The following CMPK2 variants were observed in gnomAD, a reference collection of about 807,000 sequenced individuals.
CMPK2 encodes the protein cytidine/uridine monophosphate kinase 2.
CMPK2 carries 32 observed loss-of-function variants against 33.4 expected under a neutral mutation model. That is an observed-to-expected ratio of 0.96 (90% CI 0.72 to 1.29). The LOEUF is 1.29. CMPK2 is among the 50% of genes most tolerant of loss of function. CMPK2 has a pLI of 0.00. For synonymous variants in CMPK2, 299 were observed against 275.3 expected (o/e 1.09, Z -0.85); for missense variants, 672 against 616.0 (o/e 1.09, Z -0.96).
At chr2:6,862,303 C>T (rs1179066845) in intron 2 of CMPK2, among the ~76,000 whole-genome samples, 3 of 152,206 alleles carry the variant, frequency 2.0e-5, no homozygotes, top group Non-Finnish European at 4.4e-5. Context: ...ATTATTTAAT[C>T]ATCTGACAGA....
At chr2:6,845,287 T>A (rs140769024), downstream of CMPK2, among the ~76,000 whole-genome samples, 233 of 152,216 alleles carry the variant, frequency 1.5e-3, 2 homozygotes, top group African/African-American at 5.5e-3. Context: ...CATTTTATCA[T>A]CAGAACCTCA....
chr2:6,852,505 A>T (rs538311472), intron 3 of CMPK2, among the ~76,000 whole-genome samples: 1 of 151,786 alleles, frequency 6.6e-6, no homozygotes, highest in Non-Finnish European at 1.5e-5. Context: ...CTCCCTTCAG[A>T]CTCCTAGGAA....
rs760569289 is a variant in CMPK2, at chr2:6,865,638, C to T, written c.59G>A (p.Arg20His). The T allele has an allele frequency of 7.4e-7, 1 of 1,354,608 alleles. No homozygotes were observed. Among genetic ancestry groups the T allele is most frequent in the Non-Finnish European group, 9.5e-7 (1 of 1,057,354 alleles). The allele number at this position is 1,354,608 out of a possible 1,614,324, so 83.9% of individuals were successfully genotyped here. Reference sequence around the variant, plus strand: ...AGCCATGGCCCCAGCGCAGACCCCGCGCCGCCCGAGCAGCGGCCCCGACAG... The same window carrying T: ...AGCCATGGCCCCAGCGCAGACCCCGTGCCGCCCGAGCAGCGGCCCCGACAG... Reference protein sequence around the residue: ...GPLSGPLLGRRGVCAGAMAPP... With the variant: ...GPLSGPLLGRHGVCAGAMAPP... The change falls in exon 1 of 5, where the codon CGC becomes CAC. Residue 20 changes from arginine (R) to histidine (H), a missense_variant. Arg to His is a conservative substitution (Grantham distance 29). Coordinates refer to ENST00000256722, the MANE Select transcript of CMPK2 (RefSeq NM_207315.4).
At position 6,865,785 on chromosome 2, in the gene CMPK2, A is replaced by AG. The variant is rs1461531519; in HGVS notation, c.-90dup. ...CCGGCGGGAAACGAAACCCGGAGGG[A>AG]GCCAGGCGCCAGCGGGAAACGAAAG... On this transcript the variant is annotated 5_prime_UTR_variant, in exon 1 of 5. Coordinates refer to ENST00000256722, the MANE Select transcript of CMPK2 (RefSeq NM_207315.4). The AG allele has an allele frequency of 5.6e-5, 71 of 1,259,294 alleles. No individual in the cohort carries two copies. In the Middle Eastern group the frequency reaches 9.5e-4, roughly 17 times the overall value. The allele number at this position is 1,259,294 out of a possible 1,614,324, so 78.0% of individuals were successfully genotyped here.
Position 6,849,722 on chromosome 2 carries a change from G to C in CMPK2, c.*128C>G. On this transcript the variant is annotated 3_prime_UTR_variant, in exon 5 of 5. Coordinates refer to ENST00000256722, the MANE Select transcript of CMPK2 (RefSeq NM_207315.4). ...TGGCTGAAGTAAAATTAAGATGCCTGGTCTCCAGTTTTCTGCCACACAACA... is the reference window on the plus strand; with the variant it reads ...TGGCTGAAGTAAAATTAAGATGCCTCGTCTCCAGTTTTCTGCCACACAACA... 6.5e-7 allele frequency: 1 copy of C among 1,528,912 alleles called. No homozygotes were observed. Among genetic ancestry groups the C allele is most frequent in the Non-Finnish European group, 8.7e-7 (1 of 1,149,216 alleles). The allele number at this position is 1,528,912 out of a possible 1,614,324, so 94.7% of individuals were successfully genotyped here. A position where few individuals can be genotyped will look rare whatever the true frequency, so the allele number is the denominator to read the frequency against.
At chr2:6,841,663 T>G (rs1327084297) in intron 3 of CMPK2, among the ~76,000 whole-genome samples, 1 of 151,518 alleles carries the variant, frequency 6.6e-6, no homozygotes, top group Non-Finnish European at 1.5e-5. Flanking sequence ...GAGGCTTTAT[T>G]TCCCTTATGG....
intron 3 of CMPK2, among the ~76,000 whole-genome samples, chr2:6,859,237 CAG>C (rs1457865420): frequency 6.6e-6 from 1 of 152,184 alleles, no homozygotes; most frequent in Non-Finnish European, 1.5e-5. Flanking sequence ...AAAATGGAAA[CAG>C]AGCATAAAAG....
intron 4 of CMPK2, 141 bp downstream of exon 4, chr2:6,851,309 G>A: frequency 6.7e-7 from 1 of 1,487,674 alleles, no homozygotes; most frequent in South Asian, 1.4e-5. Context: ...GGAAGGGGCT[G>A]AAGTAACTTA....
intron 4 of CMPK2, 138 bp from the exon 5 acceptor site, chr2:6,850,111 A>G (rs761959451): frequency 1.6e-6 from 1 of 620,236 alleles, no homozygotes; most frequent in Non-Finnish European, 2.8e-6. Context: ...AGCTTTGCCC[A>G]CAGAAGACGT....
chr2:6,862,952 T>C (rs573137269), intron 2 of CMPK2, among the ~76,000 whole-genome samples: 1 of 152,322 alleles, frequency 6.6e-6, no homozygotes, highest in South Asian at 2.1e-4. Context: ...GCACACATTA[T>C]ATTTTGACCT....
rs1662462967 is a variant in CMPK2, at chr2:6,849,884, A to G, written c.1316T>C (p.Leu439Ser). 2 of 1,614,180 alleles carry G rather than the reference A, an allele frequency of 1.2e-6. No individual in the cohort carries two copies. Among genetic ancestry groups the G allele is most frequent in the Non-Finnish European group, 1.7e-6 (2 of 1,180,018 alleles). ...ACTAAAACTATTCTGGATTAGGCTT[A>G]ATACCGTCTGCAGGACCTTTTCTCT... Reference protein sequence around the residue: ...PSREKVLQTVLSLIQNSFSEP With the variant: ...PSREKVLQTVSSLIQNSFSEP The change falls in exon 5 of 5, where the codon TTA (leucine) becomes TCA (serine). Residue 439 changes from leucine (L) to serine (S), a missense_variant. Transcript: ENST00000256722.
chr2:6,856,923 G>C (rs1233772548), intron 3 of CMPK2, among the ~76,000 whole-genome samples: 1 of 152,126 alleles, frequency 6.6e-6, no homozygotes, highest in African/African-American at 2.4e-5. Flanking sequence ...ATGGGCTTTA[G>C]GTTTTTCAAA....
intron 3 of CMPK2, among the ~76,000 whole-genome samples, chr2:6,841,138 G>A (rs1662222618): frequency 6.6e-6 from 1 of 151,994 alleles, no homozygotes; most frequent in South Asian, 2.1e-4. Context: ...TAAATGAGGG[G>A]CCATTGTCAC....
At position 6,865,325 on chromosome 2, in the gene CMPK2, G is replaced by A. The variant is rs1434116582; in HGVS notation, c.372C>T (p.Ala124=). Residue 124 remains alanine, a synonymous_variant, in exon 1 of 5, where the codon GCC becomes GCT. Coordinates refer to ENST00000256722, the MANE Select transcript of CMPK2 (RefSeq NM_207315.4). ...GCAGGAAGCCTTGCTGTGCGCCGCC[G>A]GCCTGGCCGCCCGGGCAGTAGCAGA... is the stretch of plus-strand genomic sequence containing the variant. The part of the protein sequence containing the change: ...RLLCYCPGGQ[A]GGAQQGFLLR... The A allele has an allele frequency of 2.7e-6, 4 of 1,493,954 alleles. No individual in the cohort carries two copies. The highest frequency in any genetic ancestry group is 1.5e-5 in the African/African-American group (1 of 68,726). 92.5% of individuals were successfully genotyped at this position (1,493,954 alleles called of 1,614,324 possible). A position where few individuals can be genotyped will look rare whatever the true frequency, so the allele number is the denominator to read the frequency against.
chr2:6,865,092 G>A lies in CMPK2; in HGVS notation c.605C>T (p.Pro202Leu). 2.7e-6 allele frequency: 4 copies of A among 1,493,326 alleles called. No individual in the cohort carries two copies. The highest frequency in any genetic ancestry group is 3.6e-6 in the Non-Finnish European group (4 of 1,121,040). 92.5% of individuals were successfully genotyped at this position (1,493,326 alleles called of 1,614,324 possible). The change falls in exon 1 of 5, where the codon CCG becomes CTG. Residue 202 changes from proline (P) to leucine (L), a missense_variant. Coordinates refer to ENST00000256722, the MANE Select transcript of CMPK2 (RefSeq NM_207315.4). ...VVPVPEPPLH[P>L]VVPDLPSSVV... ...GGAACTGGGCAAGTCTGGCACCACC[G>A]GGTGCAGCGGGGGCTCCGGGACGGG...
At chr2:6,863,123 C>T (rs949093693) in intron 2 of CMPK2, among the ~76,000 whole-genome samples, 17 of 152,172 alleles carry the variant, frequency 1.1e-4, no homozygotes, top group Non-Finnish European at 2.5e-4. Flanking sequence ...GAGGATGTTA[C>T]CTGCTTTCAT....
intron 3 of CMPK2, 137 bp from the exon 4 acceptor site, chr2:6,851,820 TA>T (rs1283342258): frequency 1.5e-6 from 1 of 648,328 alleles, no homozygotes; most frequent in Non-Finnish European, 2.6e-6. Flanking sequence ...TAAATAAAAT[TA>T]AATTTTATAA....
Position 6,849,836 on chromosome 2 carries a change from C to A in CMPK2, c.*14G>T. On this transcript the variant is annotated 3_prime_UTR_variant, in exon 5 of 5. Coordinates refer to ENST00000256722, the MANE Select transcript of CMPK2 (RefSeq NM_207315.4). ...ACATCTAATCTAGTTAGACGTGGCA[C>A]CTGGCCAGAGTAACTACGGTTCACT... The A allele has an allele frequency of 6.2e-7, 1 of 1,613,526 alleles. No individual in the cohort carries two copies.
In CMPK2 at chr2:6,849,538, G is replaced by A; in HGVS notation, c.*312C>T. 9.0e-7 allele frequency: 1 copy of A among 1,112,216 alleles called. No individual in the cohort carries two copies. The highest frequency in any genetic ancestry group is 1.1e-6 in the Non-Finnish European group (1 of 909,384). 68.9% of individuals were successfully genotyped at this position (1,112,216 alleles called of 1,614,324 possible). Reference sequence around the variant, plus strand: ...CTTCTGTACACCTGGTGCTGTCTGAGTAAGACAGGTCTTCCAGATATTTGG... The same window carrying A: ...CTTCTGTACACCTGGTGCTGTCTGAATAAGACAGGTCTTCCAGATATTTGG... On this transcript the variant is annotated 3_prime_UTR_variant, in exon 5 of 5. Transcript: ENST00000256722.
Sources: gnomAD v4.1 joint callset for allele counts (sites outside exome capture counted in the v4.1 genomes callset) on GRCh38, gnomAD v4.1.1 for gene constraint, MANE v1.5 for transcripts, NCBI Gene and HGNC (gene_info 2026-07-23, HGNC 2026-07-21) for gene names.